The following POMGNT1 variants were observed in gnomAD, a reference collection of about 807,000 sequenced individuals.
POMGNT1 encodes protein O-linked mannose N-acetylglucosaminyltransferase 1 (beta 1,2-).
POMGNT1 carries 67 observed loss-of-function variants against 95.6 expected under a neutral mutation model. The observed-to-expected ratio is 0.70, with a 90% CI of 0.58 to 0.86. POMGNT1 has a LOEUF of 0.86. Ranked by LOEUF, POMGNT1 falls within the 40% of genes least tolerant of loss-of-function variation. POMGNT1 has a pLI of 0.00. For missense variants in POMGNT1, 719 were observed against 855.2 expected (o/e 0.84, Z 1.99); for synonymous variants, 298 against 317.9 (o/e 0.94, Z 0.66).
Position 46,197,725 on chromosome 1 carries a change from G to A in POMGNT1, c.97C>T (p.Arg33Trp), listed in dbSNP as rs750839370. 3.1e-6 allele frequency: 5 copies of A among 1,614,076 alleles called. No individual in the cohort carries two copies. In the South Asian group the frequency reaches 3.3e-5, roughly 11 times the overall value. ...ACCTGACAGAATCTCCGCAGGGCCC[G>A]CTGGTTTGTCAGTTTATACTTCCAG... ...LTWKYKLTNQRALRRFCQTGA... is the reference protein window; with the variant it reads ...LTWKYKLTNQWALRRFCQTGA... The change falls in exon 2 of 22, where the codon CGG (arginine) becomes TGG (tryptophan). Residue 33 changes from arginine (R) to tryptophan (W), a missense_variant. Physicochemically the swap from Arg to Trp is moderately radical, Grantham distance 101. Coordinates refer to ENST00000371984, the MANE Select transcript of POMGNT1 (RefSeq NM_017739.4).
At chr1:46,201,414 G>C (rs534291141), upstream of POMGNT1, among the ~76,000 whole-genome samples, 2 of 152,048 alleles carry the variant, frequency 1.3e-5, no homozygotes, top group East Asian at 1.9e-4. Flanking sequence ...AATATGTAGT[G>C]CCAGGCCGGG....
chr1:46,217,117 A>C (rs987231705), intron 1 of POMGNT1, among the ~76,000 whole-genome samples: 1 of 152,236 alleles, frequency 6.6e-6, no homozygotes, highest in African/African-American at 2.4e-5. Flanking sequence ...AAGATATGGA[A>C]TCTAAGAAAC....
intron 1 of POMGNT1, among the ~76,000 whole-genome samples, chr1:46,205,539 A>G (rs1353290430): frequency 6.6e-6 from 1 of 152,196 alleles, no homozygotes; most frequent in Non-Finnish European, 1.5e-5. Context: ...TTCTGAACTC[A>G]CATAGGGAGT....
Position 46,192,080 on chromosome 1 carries a change from T to A in POMGNT1, c.1539+18A>T, listed in dbSNP as rs745420535. Reference sequence around the variant, plus strand: ...ACTGTCATGCCACACTGTGCCCTGCTCCCTGCCTCCCACTCACGTGAAAGT... The same window carrying A: ...ACTGTCATGCCACACTGTGCCCTGCACCCTGCCTCCCACTCACGTGAAAGT... On this transcript the variant is annotated intron_variant, in intron 17 of 21. Coordinates refer to ENST00000371984, the MANE Select transcript of POMGNT1 (RefSeq NM_017739.4). The A allele has an allele frequency of 1.2e-6, 2 of 1,611,128 alleles. No homozygotes were observed.
rs375238770 is a variant in POMGNT1 at position 46,197,816 on chromosome 1, G to A, written c.6C>T (p.Asp2=). Residue 2 remains aspartate (D), a synonymous_variant, in exon 2 of 22, where the codon GAC becomes GAT. Transcript: ENST00000371984. M[D]DWKPSPLIKP... ...TGATGAGGGGGCTGGGCTTCCAGTC[G>A]TCCATACCGGATTGGCGGGTCACCA... The A allele has an allele frequency of 7.4e-6, 12 of 1,613,960 alleles. No individual in the cohort carries two copies. The highest frequency in any genetic ancestry group is 3.3e-5 in the Admixed American group (2 of 59,996).
chr1:46,193,359 A>G lies in POMGNT1; in HGVS notation c.1056T>C (p.Gly352=), dbSNP rs1456453744. 26 of 1,613,322 alleles carry G rather than the reference A, an allele frequency of 1.6e-5. No individual in the cohort carries two copies. Among genetic ancestry groups the G allele is most frequent in the Non-Finnish European group, 2.1e-5 (25 of 1,179,692 alleles). Reference sequence around the variant, plus strand: ...TGGGAGTATGCTGGATGCCCCTCAGACCAAACAGTGCCACCACATCCATGG... The same window carrying G: ...TGGGAGTATGCTGGATGCCCCTCAGGCCAAACAGTGCCACCACATCCATGG... ...EEPMDVVALF[G]LRGIQHTPIS... Residue 352 remains glycine, a synonymous_variant, in exon 12 of 22, where the codon GGT becomes GGC. Coordinates refer to ENST00000371984, the MANE Select transcript of POMGNT1 (RefSeq NM_017739.4).
At chr1:46,192,651 A>G in intron 14 of POMGNT1, 61 bp from the exon 15 acceptor site, 1 of 1,607,392 alleles carries the variant, frequency 6.2e-7, no homozygotes, top group Middle Eastern at 1.7e-4. Context: ...TCACACAGAG[A>G]TGCTAGAATT....
intron 1 of POMGNT1, among the ~76,000 whole-genome samples, chr1:46,212,500 C>T (rs1658932771): frequency 6.6e-6 from 1 of 151,948 alleles, no homozygotes; most frequent in African/African-American, 2.4e-5. Flanking sequence ...CCAGGATGGT[C>T]TTGATCTCCT....
rs778488003 is a variant in POMGNT1, at chr1:46,204,361, C to T, written c.-50-6490G>A. 2.6e-4 allele frequency among the ~76,000 whole-genome samples: 40 copies of T among 152,308 alleles called. 1 individual carries two copies. In the Middle Eastern group the frequency reaches 0.034, roughly 130 times the overall value. ...TTCTCTATTGCTGCTGGTCTAGATT[C>T]AGAGCCAAAAGGGCAGCCGAGGCCC... On this transcript the variant is annotated intron_variant, in intron 1 of 22. Coordinates refer to the POMGNT1 transcript ENST00000371992.
Sources: allele counts gnomAD v4.1 joint callset (sites outside exome capture counted in the v4.1 genomes callset), GRCh38; gene constraint gnomAD v4.1.1; transcripts MANE v1.5; gene names NCBI Gene and HGNC (gene_info 2026-07-23, HGNC 2026-07-21).